Variants in LSS observed in about 807,000 individuals in gnomAD.
The protein encoded by LSS is lanosterol synthase.
In LSS, 90 loss-of-function variants were observed where a neutral mutation model predicts 110.3. The ratio of observed to expected loss-of-function variants is 0.82; its 90% CI spans 0.69 to 0.97. The LOEUF is 0.97. Among genes scored for constraint, LSS ranks in the 50% least tolerant of loss-of-function variants. The pLI, the probability that LSS is intolerant of heterozygous loss-of-function variation, is 0.00. For missense variants in LSS, 927 were observed against 990.0 expected (o/e 0.94, Z 0.85); for synonymous variants, 433 against 400.0 (o/e 1.08, Z -0.98).
chr21:46,212,464 G>A (rs151000334), intron 11 of LSS, among the ~76,000 whole-genome samples: 28 of 152,314 alleles, frequency 1.8e-4, no homozygotes, highest in African/African-American at 5.5e-4. Context: ...ACAGGACTGC[G>A]GTCTACAGGG....
At chr21:46,221,546 C>G (rs1267931027) in intron 5 of LSS, among the ~76,000 whole-genome samples, 2 of 152,098 alleles carry the variant, frequency 1.3e-5, no homozygotes, top group African/African-American at 4.8e-5. Context: ...TTTGTAGAGA[C>G]CAGGTCTCAC....
Position 46,191,970 on chromosome 21 carries a change from A to C in LSS, c.1989-11T>G. On this transcript the variant is annotated splice_polypyrimidine_tract_variant and intron_variant, in intron 20 of 21. Coordinates refer to ENST00000397728, the MANE Select transcript of LSS (RefSeq NM_002340.6). ...TCGATGTCAGGATGCCTGGTGGAAG[A>C]GAAGGCTGAAACACACCCAGCATGC... 5 of 1,608,134 alleles carry C rather than the reference A, an allele frequency of 3.1e-6. No homozygotes were observed. Among genetic ancestry groups the C allele is most frequent in the Non-Finnish European group, 4.3e-6 (5 of 1,175,446 alleles).
At chr21:46,218,566 G>A (rs963869583) in intron 6 of LSS, among the ~76,000 whole-genome samples, 2 of 152,060 alleles carry the variant, frequency 1.3e-5, no homozygotes, top group African/African-American at 4.8e-5. Context: ...GGAGGTTGCA[G>A]TGACCCCAAA....
Position 46,188,745 on chromosome 21 carries a change from T to C in LSS, c.*2359A>G. ...TTCTAAAGAAGACTGAAGGCAGGGA[T>C]ACTGACACTGAAGTCCTGCCTGTGT... On this transcript the variant is annotated 3_prime_UTR_variant, in exon 22 of 22. Transcript: ENST00000397728. The C allele has an allele frequency of 2.1e-6, 1 of 471,216 alleles. No homozygotes were observed. The highest frequency in any genetic ancestry group is 4.4e-6 in the Non-Finnish European group (1 of 227,100). The allele number at this position is 471,216 out of a possible 1,614,324, so 29.2% of individuals were successfully genotyped here.
At chr21:46,223,263 G>A (rs1367436091) in intron 3 of LSS, among the ~76,000 whole-genome samples, 1 of 152,206 alleles carries the variant, frequency 6.6e-6, no homozygotes, top group Non-Finnish European at 1.5e-5. Context: ...GGGGGAGGCA[G>A]AGACAATAAA....
At chr21:46,192,199 C>G in intron 20 of LSS, 1 of 590,980 alleles carries the variant, frequency 1.7e-6, no homozygotes, top group East Asian at 2.9e-5. Context: ...CACAGGCCTC[C>G]TCAGGCCTGC....
At chr21:46,227,880 T>G (rs1328093547) in intron 2 of LSS, among the ~76,000 whole-genome samples, 190 bp from the exon 3 acceptor site, 1 of 152,230 alleles carries the variant, frequency 6.6e-6, no homozygotes, top group Non-Finnish European at 1.5e-5. Flanking sequence ...AAAGAACAGC[T>G]GCACATTTTC....
intron 10 of LSS, 118 bp from the exon 11 acceptor site, chr21:46,213,170 G>A (rs2080156448): frequency 3.1e-6 from 3 of 954,342 alleles, no homozygotes; most frequent in Non-Finnish European, 3.3e-6. Context: ...CCGAGGCCTG[G>A]CACTGGCCTG....
At chr21:46,202,911 G>C (rs1401824882) in intron 17 of LSS, among the ~76,000 whole-genome samples, 1 of 152,168 alleles carries the variant, frequency 6.6e-6, no homozygotes, top group Non-Finnish European at 1.5e-5. Flanking sequence ...TTCTAGCTTG[G>C]AAGTCACCAA....
At chr21:46,204,586 G>T (rs144157100) in intron 17 of LSS, among the ~76,000 whole-genome samples, 1 of 149,880 alleles carries the variant, frequency 6.7e-6, no homozygotes, top group Non-Finnish European at 1.5e-5. Flanking sequence ...AAATTACACC[G>T]CACTCCAGCC....
rs2079802853 is a variant in LSS, at chr21:46,190,990, T to TA, written c.*113dup. On this transcript the variant is annotated 3_prime_UTR_variant, in exon 22 of 22. Coordinates refer to ENST00000397728, the MANE Select transcript of LSS (RefSeq NM_002340.6). The surrounding 1 kb of genome is among the most constrained non-coding windows in gnomAD (Gnocchi z 4.6). ...GGCCCCCAGATTCACATCTATGAGA[T>TA]AGAGGTTGAGGGGTTGGAGCCCAAG... 7.9e-7 allele frequency: 1 copy of TA among 1,269,362 alleles called. No homozygotes were observed. The highest frequency in any genetic ancestry group is 1.4e-5 in the South Asian group (1 of 71,766). 78.6% of individuals were successfully genotyped at this position (1,269,362 alleles called of 1,614,324 possible).
chr21:46,210,447 C>T (rs1177512676), intron 12 of LSS, among the ~76,000 whole-genome samples: 1 of 152,136 alleles, frequency 6.6e-6, no homozygotes, highest in Non-Finnish European at 1.5e-5. Flanking sequence ...GACTCCCCTT[C>T]TCACACAGCC....
intron 17 of LSS, among the ~76,000 whole-genome samples, chr21:46,204,316 A>C (rs1354275350): frequency 1.3e-5 from 2 of 152,172 alleles, no homozygotes; most frequent in Non-Finnish European, 2.9e-5. Flanking sequence ...GAAAGAAAGA[A>C]AATAACAAAC....
In LSS at chr21:46,195,753, G is replaced by A. The variant is rs149887225; in HGVS notation, c.1740C>T (p.Ser580=). The change falls in exon 19 of 22, where the codon TCC becomes TCT. Residue 580 remains serine, a synonymous_variant. Transcript: ENST00000397728. ...QQRADGSWEG[S]WGVCFTYGTW... ...TGCCGTAGGTGAAGCAAACTCCCCA[G>A]GAGCTGGAGGGAAACAGGGAGAGCC... The A allele has an allele frequency of 1.4e-4, 223 of 1,613,510 alleles. No homozygotes were observed. Among genetic ancestry groups the A allele is most frequent in the Middle Eastern group, 8.2e-4 (5 of 6,062 alleles).
intron 20 of LSS, 162 bp from the exon 21 acceptor site, chr21:46,192,121 C>T (rs1317712416): frequency 6.2e-6 from 4 of 648,824 alleles, no homozygotes; most frequent in East Asian, 2.7e-5. Flanking sequence ...GCCAGCGCCT[C>T]GGGCTCTTGC....
rs751290469 is a variant in LSS at position 46,215,691 on chromosome 21, C to T, written c.886G>A (p.Val296Ile). Residue 296 changes from valine (V) to isoleucine (I), a missense_variant, in exon 8 of 22, where the codon GTA (valine) becomes ATA (isoleucine). Transcript: ENST00000397728. ...CCCCTCAGGAGGCGCTCACCATATA[C>T]CACGCGGAGCAGCCAGCTGTGCGGC... is the stretch of plus-strand genomic sequence containing the variant. The part of the protein sequence containing the change: ...YTPHSWLLRV[V>I]YALLNLYEHH... The T allele has an allele frequency of 1.2e-5, 20 of 1,609,394 alleles. No homozygotes were observed. Among genetic ancestry groups the T allele is most frequent in the Middle Eastern group, 3.3e-4 (2 of 6,058 alleles).
Position 46,215,691 on chromosome 21 carries a change from C to A in LSS, c.886G>T (p.Val296Leu). 6.2e-7 allele frequency: 1 copy of A among 1,609,510 alleles called. No individual in the cohort carries two copies. Residue 296 changes from valine to leucine, a missense_variant, in exon 8 of 22, where the codon GTA becomes TTA. Val to Leu is a conservative substitution (Grantham distance 32). Transcript: ENST00000397728. ...CCCCTCAGGAGGCGCTCACCATATA[C>A]CACGCGGAGCAGCCAGCTGTGCGGC... ...YTPHSWLLRV[V>L]YALLNLYEHH... is the part of the protein sequence containing the mutation.
intron 14 of LSS, among the ~76,000 whole-genome samples, 183 bp from the exon 15 acceptor site, chr21:46,207,760 C>T (rs1185951717): frequency 6.6e-6 from 1 of 152,188 alleles, no homozygotes; most frequent in Non-Finnish European, 1.5e-5. Context: ...CCTCCAGCTT[C>T]CAGCACAGGG....
chr21:46,209,669 G>A lies in LSS; in HGVS notation c.1195-44C>T, dbSNP rs146771295. On this transcript the variant is annotated intron_variant, in intron 12 of 21. Coordinates refer to ENST00000397728, the MANE Select transcript of LSS (RefSeq NM_002340.6). This position sits in a 1 kb window ranked among gnomAD's most constrained non-coding sequence, Gnocchi z 4.4. ...CAGAGAGGCTCAGCTGCCCTTGCAC[G>A]GCCAGCATGGCTGCGCTGGTTTCCC... 22 of 1,530,698 alleles carry A rather than the reference G, an allele frequency of 1.4e-5. No individual in the cohort carries two copies. Among genetic ancestry groups the A allele is most frequent in the South Asian group, 7.0e-5 (6 of 85,700 alleles). 94.8% of individuals were successfully genotyped at this position (1,530,698 alleles called of 1,614,324 possible).
Sources: allele counts gnomAD v4.1 joint callset (sites outside exome capture counted in the v4.1 genomes callset), GRCh38; gene constraint gnomAD v4.1.1; non-coding constraint Gnocchi (gnomAD v3.1); transcripts MANE v1.5; gene names NCBI Gene and HGNC (gene_info 2026-07-23, HGNC 2026-07-21).